Variants in PKNOX2 observed in about 807,000 individuals in gnomAD.
The protein encoded by PKNOX2 is homeobox protein PKNOX2.
In PKNOX2, 14 loss-of-function variants were observed where a neutral mutation model predicts 53.1. That is an observed-to-expected ratio of 0.26 (90% CI 0.17 to 0.41). The LOEUF is 0.41. Ranked by LOEUF, PKNOX2 falls within the 10% of genes least tolerant of loss-of-function variation. The pLI is 1.00. For synonymous variants in PKNOX2, 257 were observed against 242.8 expected (o/e 1.06, Z -0.54); for missense variants, 496 against 602.8 (o/e 0.82, Z 1.85).
chr11:125,334,868 T>G (rs1950347323), intron 3 of PKNOX2, among the ~76,000 whole-genome samples: 1 of 152,112 alleles, frequency 6.6e-6, no homozygotes, highest in Admixed American at 6.5e-5. Context: ...CCTCCCAAAG[T>G]GCTGTGATTA....
Position 125,250,261 on chromosome 11 carries a change from C to T in PKNOX2, c.-130+15146C>T, listed in dbSNP as rs111396356. Reference sequence around the variant, plus strand: ...CCTTCACCTCAAGTTACGTATATTTCTTTTTTTCAAAAACAAACAAAAATA... The same window carrying T: ...CCTTCACCTCAAGTTACGTATATTTTTTTTTTTCAAAAACAAACAAAAATA... On this transcript the variant is annotated intron_variant, in intron 2 of 12. Coordinates refer to ENST00000298282, the MANE Select transcript of PKNOX2 (RefSeq NM_001382323.2). 7.6e-3 allele frequency among the ~76,000 whole-genome samples: 1,148 copies of T among 152,000 alleles called. 16 individuals carry two copies. The highest frequency in any genetic ancestry group is 0.025 in the African/African-American group (1,035 of 41,460).
chr11:125,203,840 G>A (rs1473206190), intron 1 of PKNOX2, among the ~76,000 whole-genome samples: 1 of 152,134 alleles, frequency 6.6e-6, no homozygotes, highest in African/African-American at 2.4e-5. Context: ...CGAAGCAATG[G>A]GTAAAACTCA....
intron 1 of PKNOX2, chr11:125,188,035 C>T (rs546049422): frequency 6.6e-6 from 1 of 152,352 alleles, no homozygotes; most frequent in East Asian, 1.9e-4. Flanking sequence ...TACTATGTTG[C>T]AGGCACTTTT....
chr11:125,275,847 G>T (rs143464729), intron 2 of PKNOX2, among the ~76,000 whole-genome samples: 1 of 152,318 alleles, frequency 6.6e-6, no homozygotes, highest in East Asian at 1.9e-4. Flanking sequence ...AGATGTCTGG[G>T]TGTCTGAAAA....
intron 4 of PKNOX2, among the ~76,000 whole-genome samples, chr11:125,356,034 C>T (rs569720961): frequency 5.4e-5 from 8 of 148,386 alleles, no homozygotes; most frequent in Non-Finnish European, 1.1e-4. Flanking sequence ...TCAGCACCCC[C>T]CCCCCCACAA....
At chr11:125,430,748 G>A (rs1487663817) in intron 12 of PKNOX2, among the ~76,000 whole-genome samples, 1 of 100,824 alleles carries the variant, frequency 9.9e-6, no homozygotes, top group Non-Finnish European at 2.0e-5. Flanking sequence ...CATCTTATGG[G>A]TTATGATGGG....
At position 125,404,291 on chromosome 11, in the gene PKNOX2, T is replaced by C. The variant is rs554176145; in HGVS notation, c.589-5905T>C. 4.6e-5 allele frequency among the ~76,000 whole-genome samples: 7 copies of C among 152,334 alleles called. No individual in the cohort carries two copies. In the South Asian group the frequency reaches 1.5e-3, roughly 32 times the overall value. On this transcript the variant is annotated intron_variant, in intron 7 of 12. Transcript: ENST00000298282. ...GAGCCCAGAGACCAGAGGGTGGCCT[T>C]TGCCGCCAGGCTAGTGAAACCTGAG... is the stretch of plus-strand genomic sequence containing the variant.
chr11:125,386,938 C>A (rs1953678675), intron 6 of PKNOX2, among the ~76,000 whole-genome samples: 1 of 152,148 alleles, frequency 6.6e-6, no homozygotes, highest in Non-Finnish European at 1.5e-5. Context: ...GCAGAGGAGG[C>A]CCTGCCAGAG....
intron 5 of PKNOX2, among the ~76,000 whole-genome samples, chr11:125,372,715 C>A (rs1952625322): frequency 6.6e-6 from 1 of 152,210 alleles, no homozygotes; most frequent in East Asian, 1.9e-4. Flanking sequence ...TCCTTCCTCG[C>A]AGCTCCAGAA....
intron 1 of PKNOX2, among the ~76,000 whole-genome samples, chr11:125,190,418 A>G (rs1449855034): frequency 2.0e-5 from 3 of 152,038 alleles, no homozygotes; most frequent in Non-Finnish European, 2.9e-5. Flanking sequence ...TGATGTCCAT[A>G]CTTGTGCCAC....
chr11:125,202,829 T>C (rs1938607469), intron 1 of PKNOX2, among the ~76,000 whole-genome samples: 1 of 152,214 alleles, frequency 6.6e-6, no homozygotes, highest in South Asian at 2.1e-4. Flanking sequence ...ATTATTTTTT[T>C]CTTTTTAGAG....
chr11:125,411,011 C>G, intron 9 of PKNOX2, 135 bp downstream of exon 9: 1 of 722,720 alleles, frequency 1.4e-6, no homozygotes, highest in Non-Finnish European at 2.3e-6. Context: ...ATTACCCCTA[C>G]TTTACAGATA....
chr11:125,269,493 C>G (rs73019951), intron 2 of PKNOX2, among the ~76,000 whole-genome samples: 7,244 of 152,290 alleles, frequency 0.048, 267 homozygotes, highest in Non-Finnish European at 0.078. Context: ...AATCATAGCA[C>G]AGGGGCTACA....
intron 5 of PKNOX2, among the ~76,000 whole-genome samples, chr11:125,377,441 T>C (rs1476853127): frequency 6.6e-6 from 1 of 151,966 alleles, no homozygotes; most frequent in Non-Finnish European, 1.5e-5. Flanking sequence ...GGAGGGGACA[T>C]GAAGAGACAC....
chr11:125,334,526 A>G (rs12363755), intron 3 of PKNOX2, among the ~76,000 whole-genome samples: 27,143 of 151,732 alleles, frequency 0.18, 4,618 homozygotes, highest in African/African-American at 0.45. Flanking sequence ...CTAGACTCCA[A>G]TTCTAGCTCT....
At chr11:125,199,877 C>G (rs1378972618) in intron 1 of PKNOX2, among the ~76,000 whole-genome samples, 1 of 152,132 alleles carries the variant, frequency 6.6e-6, no homozygotes, top group African/African-American at 2.4e-5. Flanking sequence ...CAAAACAAAA[C>G]AAAACTTACT....
intron 5 of PKNOX2, among the ~76,000 whole-genome samples, chr11:125,384,259 T>A (rs1303330229): frequency 6.6e-6 from 1 of 152,204 alleles, no homozygotes; most frequent in Non-Finnish European, 1.5e-5. Flanking sequence ...CCTTCCCTCA[T>A]GTAGCTCACA....
At chr11:125,222,924 A>G (rs922396691) in intron 1 of PKNOX2, among the ~76,000 whole-genome samples, 2 of 152,134 alleles carry the variant, frequency 1.3e-5, no homozygotes, top group Non-Finnish European at 2.9e-5. Flanking sequence ...GAATGAGCCT[A>G]GTTAGGAGTG....
At chr11:125,398,419 G>C (rs1287179971) in intron 7 of PKNOX2, among the ~76,000 whole-genome samples, 1 of 152,218 alleles carries the variant, frequency 6.6e-6, no homozygotes, top group Non-Finnish European at 1.5e-5. Context: ...GGCTTCTTAA[G>C]AGGCTGCGGC....
Sources: gnomAD v4.1 joint callset for allele counts (sites outside exome capture counted in the v4.1 genomes callset) on GRCh38, gnomAD v4.1.1 for gene constraint, MANE v1.5 for transcripts, NCBI Gene and HGNC (gene_info 2026-07-23, HGNC 2026-07-21) for gene names.